Variants in TENM2 observed in about 807,000 individuals in gnomAD.
TENM2 encodes teneurin transmembrane protein 2.
A neutral mutation model predicts 245.2 loss-of-function variants in TENM2; 52 were observed. The observed-to-expected ratio is 0.21, with a 90% CI of 0.17 to 0.27. The LOEUF (loss-of-function observed/expected upper bound fraction) is 0.27, where lower values mean the gene tolerates loss of function less well. Ranked by LOEUF, TENM2 falls within the 10% of genes least tolerant of loss-of-function variation. TENM2 has a pLI of 1.00. For missense variants in TENM2, 3,046 were observed against 3,666.8 expected (o/e 0.83, Z 4.37); for synonymous variants, 1,363 against 1,438.9 (o/e 0.95, Z 1.19).
At chr5:168,226,158 A>T in exon 24 of TENM2, 1 of 1,613,748 alleles carries the variant, frequency 6.2e-7, no homozygotes, top group South Asian at 1.1e-5. Flanking sequence ...GCACCGGGAA[A>T]TGGAGAAATC....
intron 21 of TENM2, among the ~76,000 whole-genome samples, chr5:168,215,740 A>G (rs1329874734): frequency 1.3e-5 from 2 of 152,240 alleles, no homozygotes; most frequent in Non-Finnish European, 2.9e-5. Context: ...CCAAGTGGAA[A>G]GTGAAGGGGA....
At chr5:167,623,794 T>G (rs892455368) in intron 2 of TENM2, among the ~76,000 whole-genome samples, 5 of 152,196 alleles carry the variant, frequency 3.3e-5, no homozygotes, top group African/African-American at 1.2e-4. Context: ...TTTTTCCCAT[T>G]ATAGTAAAAT....
At chr5:167,404,725 C>T (rs568125970) in intron 2 of TENM2, among the ~76,000 whole-genome samples, 3 of 152,104 alleles carry the variant, frequency 2.0e-5, no homozygotes, top group Non-Finnish European at 4.4e-5. Flanking sequence ...TTCTTCATGC[C>T]CTGCTCATGT....
At chr5:167,357,282 A>G (rs1581831035) in intron 1 of TENM2, among the ~76,000 whole-genome samples, 1 of 147,238 alleles carries the variant, frequency 6.8e-6, no homozygotes, top group Non-Finnish European at 1.5e-5. Context: ...TTTCCCCCTT[A>G]TGCAAGAGCC....
chr5:167,797,368 G>A (rs1474684888), intron 2 of TENM2, among the ~76,000 whole-genome samples: 6 of 152,038 alleles, frequency 3.9e-5, no homozygotes, highest in Non-Finnish European at 7.4e-5. Flanking sequence ...TTTAATGAGC[G>A]GAAATATTTG....
intron 3 of TENM2, among the ~76,000 whole-genome samples, chr5:167,946,357 G>A (rs1364186937): frequency 8.7e-6 from 1 of 114,338 alleles, no homozygotes; most frequent in African/African-American, 4.8e-5. Flanking sequence ...TCACGCCGCT[G>A]GTTAGGGAGC....
intron 2 of TENM2, among the ~76,000 whole-genome samples, chr5:167,425,944 T>G (rs1763790230): frequency 1.3e-5 from 2 of 152,322 alleles, no homozygotes; most frequent in Admixed American, 6.5e-5. Flanking sequence ...TGTGATTTAT[T>G]TTTAAATTAG....
chr5:167,132,824 A>C, the TENM2 span, among the ~76,000 whole-genome samples: 3 of 152,226 alleles, frequency 2.0e-5, no homozygotes, highest in Non-Finnish European at 4.4e-5. Context: ...TGATACTTTA[A>C]AGCTCTTTCA....
At chr5:167,358,991 C>A (rs879503887) in intron 1 of TENM2, among the ~76,000 whole-genome samples, 1 of 151,914 alleles carries the variant, frequency 6.6e-6, no homozygotes, top group Non-Finnish European at 1.5e-5. Flanking sequence ...CAAGACTGCC[C>A]ACCCCGACAC....
At chr5:167,997,170 A>C (rs1322738582) in intron 5 of TENM2, among the ~76,000 whole-genome samples, 1 of 152,204 alleles carries the variant, frequency 6.6e-6, no homozygotes, top group East Asian at 1.9e-4. Context: ...CAGAGAGTCT[A>C]AAGTCTCCTG....
Position 167,722,410 on chromosome 5 carries a change from G to A in TENM2, c.503-153576G>A, listed in dbSNP as rs571168079. On this transcript the variant is annotated intron_variant, in intron 2 of 28. Coordinates refer to ENST00000518659, the Ensembl canonical transcript of TENM2. ...TTGATAGATAGATAAATAGATAGAT[G>A]GATACATAGATATAGGTAGAGATAC... 3.5e-3 allele frequency among the ~76,000 whole-genome samples: 527 copies of A among 151,950 alleles called. 4 individuals carry two copies. The highest frequency in any genetic ancestry group is 0.012 in the African/African-American group (500 of 41,444).
intron 2 of TENM2, among the ~76,000 whole-genome samples, chr5:167,793,889 A>G (rs1765147940): frequency 6.6e-6 from 1 of 151,834 alleles, no homozygotes; most frequent in African/African-American, 2.4e-5. Flanking sequence ...CAACTAGAGT[A>G]CAAAGCATTG....
chr5:167,553,669 A>G (rs4869055), intron 2 of TENM2, among the ~76,000 whole-genome samples: 118,479 of 152,154 alleles, frequency 0.78, 46,347 homozygotes, highest in East Asian at 0.85. Context: ...TGCCTTCTGC[A>G]CAGCTGAATG....
At chr5:167,025,386 A>G in the TENM2 span, among the ~76,000 whole-genome samples, 1 of 152,228 alleles carries the variant, frequency 6.6e-6, no homozygotes, top group African/African-American at 2.4e-5. Context: ...ATTTATAGTT[A>G]CAAAAGTAGA....
At chr5:168,152,573 G>T (rs950238548) in intron 12 of TENM2, among the ~76,000 whole-genome samples, 1 of 152,190 alleles carries the variant, frequency 6.6e-6, no homozygotes, top group Admixed American at 6.6e-5. Context: ...AATCAAAGTC[G>T]TGCTTTGTCC....
At chr5:168,077,030 G>C (rs1400555218) in intron 7 of TENM2, among the ~76,000 whole-genome samples, 1 of 152,136 alleles carries the variant, frequency 6.6e-6, no homozygotes, top group Non-Finnish European at 1.5e-5. Flanking sequence ...CTTACTAACT[G>C]TTGGGTGAGC....
chr5:167,727,382 G>A (rs1760098052), intron 2 of TENM2, among the ~76,000 whole-genome samples: 1 of 152,174 alleles, frequency 6.6e-6, no homozygotes, highest in Non-Finnish European at 1.5e-5. Flanking sequence ...AGGGTGCTGG[G>A]ATTACAGGCG....
intron 3 of TENM2, among the ~76,000 whole-genome samples, chr5:167,884,830 ATGCTGTTTTGTACAGTGTC>A (rs759764577): frequency 1.2e-4 from 19 of 152,318 alleles, no homozygotes; most frequent in Middle Eastern, 6.8e-3. Context: ...AAGATTTGAC[ATGCTGTTTTGTACAGTGTC>A]TGTACCACTG....
At chr5:167,216,848 G>A in the TENM2 span, among the ~76,000 whole-genome samples, 1 of 151,940 alleles carries the variant, frequency 6.6e-6, no homozygotes, top group African/African-American at 2.4e-5. Flanking sequence ...AATTGCTTCA[G>A]CTCAGGAGGA....
Sources: allele counts gnomAD v4.1 joint callset (sites outside exome capture counted in the v4.1 genomes callset), GRCh38; gene constraint gnomAD v4.1.1; transcripts MANE v1.5; gene names NCBI Gene and HGNC (gene_info 2026-07-23, HGNC 2026-07-21).